Variants in PDE7A observed in about 807,000 individuals in gnomAD.
PDE7A encodes the protein high affinity 3',5'-cyclic-AMP phosphodiesterase 7A.
In PDE7A, 39 loss-of-function variants were observed where a neutral mutation model predicts 64.3. The observed-to-expected ratio is 0.61, with a 90% CI of 0.47 to 0.79. PDE7A has a LOEUF of 0.79. Ranked by LOEUF, PDE7A falls within the 30% of genes least tolerant of loss-of-function variation. The pLI, the probability that PDE7A is intolerant of heterozygous loss-of-function variation, is 0.00. For missense variants in PDE7A, 470 were observed against 582.8 expected, an observed-to-expected ratio of 0.81 and a Z score of 1.99; for synonymous variants, 203 against 206.8, an observed-to-expected ratio of 0.98 and a Z score of 0.16.
chr8:65,840,438 C>G (rs1220789776), intron 1 of PDE7A, among the ~76,000 whole-genome samples: 2 of 148,734 alleles, frequency 1.3e-5, no homozygotes, highest in African/African-American at 5.2e-5. Context: ...ACACCTTGCT[C>G]AAGATACAAT....
intron 3 of PDE7A, among the ~76,000 whole-genome samples, chr8:65,755,932 T>C (rs1019196393): frequency 6.6e-6 from 1 of 152,246 alleles, no homozygotes; most frequent in African/African-American, 2.4e-5. Flanking sequence ...CTACCATTTC[T>C]TGTAGGACAG....
At chr8:65,754,388 ACCATCATATACCTCCTTTC>A (rs1808117601) in intron 3 of PDE7A, among the ~76,000 whole-genome samples, 1 of 151,926 alleles carries the variant, frequency 6.6e-6, no homozygotes, top group Non-Finnish European at 1.5e-5. Flanking sequence ...CTCACTATTA[ACCATCATATACCTCCTTTC>A]CCATTCTTTT....
chr8:65,798,560 A>C (rs1025934703), intron 1 of PDE7A, among the ~76,000 whole-genome samples: 11 of 152,168 alleles, frequency 7.2e-5, no homozygotes, highest in Non-Finnish European at 1.6e-4. Context: ...TTAAAAATAC[A>C]AGCTAAAGAT....
intron 3 of PDE7A, among the ~76,000 whole-genome samples, chr8:65,751,651 C>T (rs1364038465): frequency 2.6e-5 from 4 of 152,122 alleles, no homozygotes; most frequent in Admixed American, 2.6e-4. Flanking sequence ...GGCCACCACA[C>T]CCAGCTAATT....
chr8:65,740,682 T>G (rs1386715977), intron 5 of PDE7A, among the ~76,000 whole-genome samples: 2 of 152,306 alleles, frequency 1.3e-5, no homozygotes, highest in South Asian at 4.1e-4. Flanking sequence ...TTTACAGGCG[T>G]GAGCTACCAC....
intron 2 of PDE7A, among the ~76,000 whole-genome samples, chr8:65,780,463 TG>T (rs763245701): frequency 7.9e-5 from 12 of 152,204 alleles, no homozygotes; most frequent in African/African-American, 1.2e-4. Flanking sequence ...GGAAGCTCAG[TG>T]TCGTTCCTAC....
intron 5 of PDE7A, among the ~76,000 whole-genome samples, chr8:65,743,979 T>A (rs1460044698): frequency 6.6e-6 from 1 of 152,112 alleles, no homozygotes; most frequent in Non-Finnish European, 1.5e-5. Flanking sequence ...ATTAGAGACA[T>A]GAACCACCAC....
At position 65,777,875 on chromosome 8, in the gene PDE7A, G is replaced by T. The variant is rs545708173; in HGVS notation, c.283+1845C>A. On this transcript the variant is annotated intron_variant, in intron 3 of 12. Transcript: ENST00000401827. ...GTTATACTCTGGTACACTTAGGTGT[G>T]ATTTTCTTTTAATGTTACTCTGCTT... Among the ~76,000 whole-genome samples, 6 of 152,228 alleles carry T rather than the reference G, an allele frequency of 3.9e-5. No homozygotes were observed. In the East Asian group the frequency reaches 1.2e-3, roughly 29 times the overall value.
At chr8:65,808,506 C>G (rs777566027) in intron 1 of PDE7A, among the ~76,000 whole-genome samples, 1 of 152,048 alleles carries the variant, frequency 6.6e-6, no homozygotes. Context: ...AAACATTACA[C>G]ACAGTAGGAG....
At chr8:65,828,322 G>A (rs1810730128) in intron 1 of PDE7A, among the ~76,000 whole-genome samples, 1 of 152,072 alleles carries the variant, frequency 6.6e-6, no homozygotes, top group Non-Finnish European at 1.5e-5. Context: ...GTAGAAAGCA[G>A]CATTAAATGG....
rs1225120436 is a variant in PDE7A at position 65,716,137 on chromosome 8, AGACCCTGTCT to A, written c.*3143_*3152del. On this transcript the variant is annotated 3_prime_UTR_variant, in exon 13 of 13. Transcript: ENST00000401827. ...CTGCACTCCAGCCTAGTTAGCAGCGAGACCCTGTCTCAAAAAAAAAAAAAAACAAAAGGGC... is the reference window on the plus strand; with the variant it reads ...CTGCACTCCAGCCTAGTTAGCAGCGACAAAAAAAAAAAAAAACAAAAGGGC... Among the ~76,000 whole-genome samples the A allele has an allele frequency of 2.7e-5, 4 of 147,938 alleles. No homozygotes were observed. Among genetic ancestry groups the A allele is most frequent in the African/African-American group, 7.5e-5 (3 of 39,916 alleles).
intron 1 of PDE7A, among the ~76,000 whole-genome samples, chr8:65,800,241 C>T (rs982745245): frequency 6.6e-6 from 1 of 152,258 alleles, no homozygotes; most frequent in East Asian, 1.9e-4. Flanking sequence ...GCTTTTTGTT[C>T]TAAGTTTCTT....
At chr8:65,774,302 A>C (rs1001606582) in intron 3 of PDE7A, among the ~76,000 whole-genome samples, 1 of 137,626 alleles carries the variant, frequency 7.3e-6, no homozygotes, top group African/African-American at 3.3e-5. Context: ...TTTTGTACTG[A>C]CATTTATAGT....
Position 65,727,155 on chromosome 8 carries a change from T to A in PDE7A, c.828+15A>T. On this transcript the variant is annotated intron_variant, in intron 8 of 12. Transcript: ENST00000401827. ...ATGCAAAAATAATAAATCTTGATGATAAAATTGCACTAACCTTGTATAAAG... is the reference window on the plus strand; with the variant it reads ...ATGCAAAAATAATAAATCTTGATGAAAAAATTGCACTAACCTTGTATAAAG... 1 of 1,408,058 alleles carries A rather than the reference T, an allele frequency of 7.1e-7. No homozygotes were observed. Among genetic ancestry groups the A allele is most frequent in the Non-Finnish European group, 1.0e-6 (1 of 1,001,384 alleles). 87.2% of individuals were successfully genotyped at this position (1,408,058 alleles called of 1,614,324 possible).
intron 1 of PDE7A, among the ~76,000 whole-genome samples, chr8:65,786,721 C>A (rs1809567731): frequency 1.3e-5 from 2 of 152,176 alleles, no homozygotes. Context: ...AGAGCTATCA[C>A]CCACATTCCC....
At chr8:65,779,455 C>A (rs1032162049) in intron 3 of PDE7A, among the ~76,000 whole-genome samples, 5 of 151,514 alleles carry the variant, frequency 3.3e-5, no homozygotes, top group Admixed American at 6.6e-5. Flanking sequence ...TTAAAAAAAT[C>A]TTTTTAAAGA....
intron 1 of PDE7A, among the ~76,000 whole-genome samples, chr8:65,799,115 C>T (rs1302595089): frequency 6.6e-6 from 1 of 151,974 alleles, no homozygotes; most frequent in Admixed American, 6.6e-5. Context: ...TGGCAAAGGG[C>T]CCCAAAAGAA....
intron 3 of PDE7A, among the ~76,000 whole-genome samples, chr8:65,750,480 G>A (rs1213480429): frequency 1.5e-5 from 2 of 133,582 alleles, no homozygotes; most frequent in African/African-American, 5.9e-5. Context: ...ATCACTGTGT[G>A]TGTGTGTGTG....
intron 5 of PDE7A, among the ~76,000 whole-genome samples, chr8:65,740,352 C>T (rs1164623944): frequency 3.9e-5 from 6 of 152,102 alleles, no homozygotes; most frequent in African/African-American, 1.4e-4. Flanking sequence ...TCCACCCCCT[C>T]ATTCTCCACA....
Sources: gnomAD v4.1 joint callset for allele counts (sites outside exome capture counted in the v4.1 genomes callset) on GRCh38, gnomAD v4.1.1 for gene constraint, MANE v1.5 for transcripts, NCBI Gene and HGNC (gene_info 2026-07-23, HGNC 2026-07-21) for gene names.